The following PRKCE variants were observed in gnomAD, a reference collection of about 807,000 sequenced individuals.
The protein encoded by PRKCE is protein kinase C epsilon.
A neutral mutation model predicts 85.4 loss-of-function variants in PRKCE; 16 were observed. The ratio of observed to expected loss-of-function variants is 0.19; its 90% CI spans 0.13 to 0.28. The LOEUF is 0.28. Ranked by LOEUF, PRKCE falls within the 10% of genes least tolerant of loss-of-function variation. PRKCE has a pLI of 1.00. For synonymous variants in PRKCE, 388 were observed against 371.5 expected (o/e 1.04, Z -0.51); for missense variants, 573 against 975.2 (o/e 0.59, Z 5.49).
At chr2:45,761,128 C>A (rs544690552) in intron 1 of PRKCE, among the ~76,000 whole-genome samples, 1 of 151,998 alleles carries the variant, frequency 6.6e-6, no homozygotes, top group African/African-American at 2.4e-5. Context: ...GAGATTGAGA[C>A]CATCTTGGCT....
Position 45,652,049 on chromosome 2 carries a change from C to G in PRKCE, c.-52C>G. 7.0e-7 allele frequency: 1 copy of G among 1,420,026 alleles called. No homozygotes were observed. Among genetic ancestry groups the G allele is most frequent in the South Asian group, 1.4e-5 (1 of 73,264 alleles). 88.0% of individuals were successfully genotyped at this position (1,420,026 alleles called of 1,614,324 possible). A position where few individuals can be genotyped will look rare whatever the true frequency, so the allele number is the denominator to read the frequency against. On this transcript the variant is annotated 5_prime_UTR_variant, in exon 1 of 15. Coordinates refer to ENST00000306156, the MANE Select transcript of PRKCE (RefSeq NM_005400.3). The surrounding 1 kb of genome is among the most constrained non-coding windows in gnomAD (Gnocchi z 7.7). The stretch of plus-strand genomic sequence containing the variant: ...AGTGCCGGGCCGTCGGTTCTTCATT[C>G]CTGCCCTCGGGGCAGACGGAGTGAC...
intron 11 of PRKCE, among the ~76,000 whole-genome samples, chr2:46,101,315 A>G (rs1358641268): frequency 2.6e-5 from 4 of 152,216 alleles, no homozygotes; most frequent in Admixed American, 2.6e-4. Flanking sequence ...GAAACACATT[A>G]CAGGGATACC....
Position 46,145,256 on chromosome 2 carries a change from C to A in PRKCE, c.1731+25C>A, listed in dbSNP as rs1345362934. ...GGTAAGACCTGTGTGCAAAGGTTCA[C>A]CTCCTCCTGGTGCCAGGACCGAGGC... On this transcript the variant is annotated intron_variant, in intron 12 of 14. Transcript: ENST00000306156. The surrounding 1 kb of genome is among the most constrained non-coding windows in gnomAD (Gnocchi z 4.6). 1 of 1,599,004 alleles carries A rather than the reference C, an allele frequency of 6.3e-7. No individual in the cohort carries two copies. The highest frequency in any genetic ancestry group is 1.1e-5 in the South Asian group (1 of 91,038).
chr2:45,744,442 TTTCTTTC>T (rs1242522012), intron 1 of PRKCE, among the ~76,000 whole-genome samples: 1 of 51,530 alleles, frequency 1.9e-5, no homozygotes. Flanking sequence ...TCTTTCTTTC[TTTCTTTC>T]TTTCTTTCTT....
intron 10 of PRKCE, 133 bp downstream of exon 10, chr2:46,010,650 T>A: frequency 6.3e-7 from 1 of 1,599,202 alleles, no homozygotes; most frequent in Non-Finnish European, 8.5e-7. Flanking sequence ...CTTGAAAAGA[T>A]CAGGATGTAT....
chr2:46,107,672 A>G (rs1671861268), intron 11 of PRKCE, among the ~76,000 whole-genome samples: 1 of 152,236 alleles, frequency 6.6e-6, no homozygotes, highest in South Asian at 2.1e-4. Flanking sequence ...TTGCATTTCT[A>G]TCAACAGTGA....
chr2:46,126,635 T>C (rs767747997), intron 11 of PRKCE, among the ~76,000 whole-genome samples: 6 of 152,242 alleles, frequency 3.9e-5, no homozygotes, highest in Non-Finnish European at 5.9e-5. Context: ...AATATCAGAT[T>C]AAAAGGCTTT....
chr2:45,886,101 G>T (rs1311418511), intron 2 of PRKCE, among the ~76,000 whole-genome samples: 1 of 152,192 alleles, frequency 6.6e-6, no homozygotes, highest in Non-Finnish European at 1.5e-5. Flanking sequence ...ACGTTTGCTG[G>T]CAGGTGGAAC....
intron 10 of PRKCE, among the ~76,000 whole-genome samples, chr2:46,019,326 G>A (rs1706440255): frequency 6.6e-6 from 1 of 152,048 alleles, no homozygotes; most frequent in African/African-American, 2.4e-5. Flanking sequence ...GTGTCTAAAT[G>A]GTCCCCATCT....
chr2:45,739,221 C>T (rs1365910475), intron 1 of PRKCE, among the ~76,000 whole-genome samples: 2 of 152,188 alleles, frequency 1.3e-5, no homozygotes, highest in African/African-American at 2.4e-5. Flanking sequence ...ACTGGGAAGG[C>T]CCGTCTTTGG....
intron 2 of PRKCE, among the ~76,000 whole-genome samples, chr2:45,926,324 A>G (rs945477378): frequency 2.0e-5 from 3 of 152,238 alleles, no homozygotes; most frequent in African/African-American, 7.2e-5. Context: ...ACTGCCATAC[A>G]TAACCACTGT....
In PRKCE at chr2:45,957,902, C is replaced by T. The variant is rs1032941897; in HGVS notation, c.413-18527C>T. Reference sequence around the variant, plus strand: ...ACTAGATCCAGCCTAGGCAACAGAGCGAGACTGTGTCTCTATTTTTTTTTT... The same window carrying T: ...ACTAGATCCAGCCTAGGCAACAGAGTGAGACTGTGTCTCTATTTTTTTTTT... On this transcript the variant is annotated intron_variant, in intron 2 of 14. Coordinates refer to ENST00000306156, the MANE Select transcript of PRKCE (RefSeq NM_005400.3). 6.8e-5 allele frequency among the ~76,000 whole-genome samples: 10 copies of T among 146,116 alleles called. No homozygotes were observed. In the East Asian group the frequency reaches 8.0e-4, roughly 12 times the overall value.
chr2:46,143,673 C>A (rs953023300), intron 11 of PRKCE, among the ~76,000 whole-genome samples: 1 of 152,224 alleles, frequency 6.6e-6, no homozygotes, highest in African/African-American at 2.4e-5. Flanking sequence ...ACAGCCAGAG[C>A]TGGGCCTTGA....
chr2:45,667,240 G>A (rs999698707), intron 1 of PRKCE, among the ~76,000 whole-genome samples: 1 of 151,522 alleles, frequency 6.6e-6, no homozygotes, highest in Non-Finnish European at 1.5e-5. Flanking sequence ...GAACCCTGGA[G>A]GGGGAGGTTG....
intron 10 of PRKCE, among the ~76,000 whole-genome samples, chr2:46,077,747 A>G (rs1010879266): frequency 1.3e-5 from 2 of 152,200 alleles, no homozygotes; most frequent in African/African-American, 2.4e-5. Flanking sequence ...AGACTCTTTC[A>G]TTCTGTATGA....
At chr2:45,809,652 G>C (rs1433399393) in intron 1 of PRKCE, among the ~76,000 whole-genome samples, 1 of 151,902 alleles carries the variant, frequency 6.6e-6, no homozygotes, top group Non-Finnish European at 1.5e-5. Flanking sequence ...GGAAGGCTGA[G>C]GTGGGCGGAT....
intron 1 of PRKCE, among the ~76,000 whole-genome samples, chr2:45,743,564 G>T (rs1682762592): frequency 6.6e-6 from 1 of 151,976 alleles, no homozygotes; most frequent in Non-Finnish European, 1.5e-5. Context: ...AGCTGATGTA[G>T]GAAGTTAGCT....
chr2:45,676,249 C>T (rs1455644298), intron 1 of PRKCE: 1 of 152,172 alleles, frequency 6.6e-6, no homozygotes, highest in Non-Finnish European at 1.5e-5. Context: ...GCTCTGTTGA[C>T]CTTCCATTGC....
chr2:45,977,552 ACTTTAACC>A (rs1702553809), intron 3 of PRKCE, among the ~76,000 whole-genome samples: 1 of 151,668 alleles, frequency 6.6e-6, no homozygotes, highest in South Asian at 2.1e-4. Context: ...CATGAGAATC[ACTTTAACC>A]CTGGAGGTGG....
Sources: allele counts gnomAD v4.1 joint callset (sites outside exome capture counted in the v4.1 genomes callset), GRCh38; gene constraint gnomAD v4.1.1; non-coding constraint Gnocchi (gnomAD v3.1); transcripts MANE v1.5; gene names NCBI Gene and HGNC (gene_info 2026-07-23, HGNC 2026-07-21).